The following PAX9 variants were observed in gnomAD, a reference collection of about 807,000 sequenced individuals.
PAX9 encodes the protein paired box protein Pax-9.
Under a neutral mutation model 29.1 loss-of-function variants are expected in PAX9, and 6 were observed. The observed-to-expected ratio is 0.21, with a 90% CI of 0.11 to 0.41. PAX9 has a LOEUF of 0.41. Among genes scored for constraint, PAX9 ranks in the 10% least tolerant of loss-of-function variants. The probability of loss-of-function intolerance (pLI) is 1.00; values close to 1 mark genes in which losing one functional copy is unlikely to be tolerated. For missense variants in PAX9, 443 were observed against 479.1 expected (o/e 0.92, Z 0.70); for synonymous variants, 217 against 211.7 (o/e 1.03, Z -0.22).
At chr14:36,663,787 G>A (rs1027888643) in intron 2 of PAX9, among the ~76,000 whole-genome samples, 1 of 152,096 alleles carries the variant, frequency 6.6e-6, no homozygotes, top group Non-Finnish European at 1.5e-5. Context: ...CACATGGTTC[G>A]CATTTTCCAC....
chr14:36,666,548 G>C lies in PAX9; in HGVS notation c.718G>C (p.Ala240Pro), dbSNP rs4904210. ...RNNFPAAAPH[A>P]VNGLEKGALE... is the part of the protein sequence containing the mutation. Reference sequence around the variant, plus strand: ...CAACTTCCCCGCCGCCGCCCCGCACGCGGTGAACGGGTTGGAGAAGGGAGC... The same window carrying C: ...CAACTTCCCCGCCGCCGCCCCGCACCCGGTGAACGGGTTGGAGAAGGGAGC... Residue 240 changes from alanine (A) to proline (P), a missense_variant, in exon 3 of 4, where the codon GCG (alanine) becomes CCG (proline). Physicochemically the swap from Ala to Pro is conservative, Grantham distance 27 (BLOSUM62 -1). Transcript: ENST00000361487. 0.37 allele frequency: 588,761 copies of C among 1,585,086 alleles called. 110,759 individuals are homozygous for C. The highest frequency in any genetic ancestry group is 0.45 in the East Asian group (19,699 of 43,314).
intron 3 of PAX9, among the ~76,000 whole-genome samples, chr14:36,672,988 C>T (rs1881752199): frequency 6.7e-6 from 1 of 150,244 alleles, no homozygotes; most frequent in Non-Finnish European, 1.5e-5. Context: ...GCCTCAGACT[C>T]CCAAGTAGCT....
In PAX9 at chr14:36,678,842, A is replaced by G; in HGVS notation, c.*2390A>G. 2.0e-6 allele frequency: 2 copies of G among 981,622 alleles called. No homozygotes were observed. Among genetic ancestry groups the G allele is most frequent in the South Asian group, 9.6e-5 (2 of 20,884 alleles). The allele number at this position is 981,622 out of a possible 1,614,324, so 60.8% of individuals were successfully genotyped here. A position where few individuals can be genotyped will look rare whatever the true frequency, so the allele number is the denominator to read the frequency against. On this transcript the variant is annotated 3_prime_UTR_variant, in exon 4 of 4. Coordinates refer to ENST00000361487, the MANE Select transcript of PAX9 (RefSeq NM_001372076.1). ...CTTAACAGTGAATTCACATGGAGTA[A>G]TTTTTAAAAGATATCAGATACAATT...
chr14:36,668,939 A>T (rs2139115620), intron 3 of PAX9, among the ~76,000 whole-genome samples: 1 of 152,270 alleles, frequency 6.6e-6, no homozygotes, highest in South Asian at 2.1e-4. Flanking sequence ...TATTGCTCTA[A>T]ATACTTAATA....
intron 3 of PAX9, among the ~76,000 whole-genome samples, chr14:36,668,613 TCC>T (rs781125743): frequency 4.6e-5 from 7 of 152,138 alleles, no homozygotes; most frequent in Non-Finnish European, 1.0e-4. Flanking sequence ...GGTCTTGATC[TCC>T]TGACCTCGTG....
At chr14:36,658,400 G>A (rs1881120433), upstream of PAX9, 2 of 151,388 alleles carry the variant, frequency 1.3e-5, no homozygotes, top group South Asian at 4.2e-4. Context: ...GTCCCCAGCA[G>A]GGGGCAAGTT....
At position 36,662,632 on chromosome 14, in the gene PAX9, G is replaced by C. The variant is rs76125641; in HGVS notation, c.5-265G>C. 5.5e-3 allele frequency: 2,989 copies of C among 540,048 alleles called. 64 individuals carry two copies. The highest frequency in any genetic ancestry group is 0.046 in the African/African-American group (2,450 of 53,008). 33.5% of individuals were successfully genotyped at this position (540,048 alleles called of 1,614,324 possible). On this transcript the variant is annotated intron_variant, in intron 1 of 3. Transcript: ENST00000361487. ...CCCCTGCTTCGGGAGACTTTTGAAC[G>C]CTCGGAGAGGCCCGGCATCTCACCA...
At position 36,670,493 on chromosome 14, in the gene PAX9, C is replaced by A. The variant is rs569979735; in HGVS notation, c.771+3892C>A. Among the ~76,000 whole-genome samples the A allele has an allele frequency of 5.7e-4, 87 of 152,114 alleles. 3 individuals are homozygous for A. The South Asian group carries it at 0.018, about 31-fold the overall frequency. On this transcript the variant is annotated intron_variant, in intron 3 of 3. Coordinates refer to ENST00000361487, the MANE Select transcript of PAX9 (RefSeq NM_001372076.1). ...TCTAGTGTATTATTTTAAAAACTGG[C>A]TGTCCTTGTGGATGTACTATTCTCA...
At chr14:36,666,191 A>C in intron 2 of PAX9, 1 of 493,992 alleles carries the variant, frequency 2.0e-6, no homozygotes, top group Non-Finnish European at 3.6e-6. Context: ...AAGGGAAATC[A>C]AAAACCGGTT....
At chr14:36,669,116 C>G (rs1881614877) in intron 3 of PAX9, among the ~76,000 whole-genome samples, 1 of 152,104 alleles carries the variant, frequency 6.6e-6, no homozygotes, top group African/African-American at 2.4e-5. Flanking sequence ...AAATTAGTGG[C>G]TACTCTATGA....
At chr14:36,663,817 C>G (rs755938871) in intron 2 of PAX9, among the ~76,000 whole-genome samples, 1 of 152,214 alleles carries the variant, frequency 6.6e-6, no homozygotes, top group Admixed American at 6.5e-5. Context: ...CCTCTCGCGC[C>G]GAGGCAGCCT....
intron 1 of PAX9, 188 bp from the exon 2 acceptor site, chr14:36,662,709 C>A (rs1881324630): frequency 1.5e-6 from 1 of 672,992 alleles, no homozygotes; most frequent in Non-Finnish European, 2.5e-6. Flanking sequence ...GGAGGGGGTC[C>A]GATTGGACAG....
intron 3 of PAX9, 129 bp from the exon 4 acceptor site, chr14:36,676,069 A>T (rs1221268187): frequency 4.6e-6 from 4 of 877,544 alleles, no homozygotes; most frequent in Non-Finnish European, 7.0e-6. Flanking sequence ...AAATTTTTTT[A>T]AAAAGTTGGA....
chr14:36,673,529 C>CAAAA, intron 3 of PAX9, among the ~76,000 whole-genome samples: 1 of 4,868 alleles, frequency 2.1e-4, no homozygotes, highest in East Asian at 1.2e-3. Flanking sequence ...GGGCCATCTT[C>CAAAA]CAAGTGGGTC....
At position 36,678,674 on chromosome 14, in the gene PAX9, G is replaced by A; in HGVS notation, c.*2222G>A. On this transcript the variant is annotated 3_prime_UTR_variant, in exon 4 of 4. Coordinates refer to ENST00000361487, the MANE Select transcript of PAX9 (RefSeq NM_001372076.1). ...GGGCTTTAAAAAATATTACTTGCTTGTGTGGAAATGCAAATAATGTTATTT... is the reference window on the plus strand; with the variant it reads ...GGGCTTTAAAAAATATTACTTGCTTATGTGGAAATGCAAATAATGTTATTT... 1 of 1,255,798 alleles carries A rather than the reference G, an allele frequency of 8.0e-7. No homozygotes were observed. Among genetic ancestry groups the A allele is most frequent in the Non-Finnish European group, 1.0e-6 (1 of 1,000,044 alleles). 77.8% of individuals were successfully genotyped at this position (1,255,798 alleles called of 1,614,324 possible).
At chr14:36,661,731 C>T, upstream of PAX9, 1 of 387,682 alleles carries the variant, frequency 2.6e-6, no homozygotes, top group Non-Finnish European at 4.6e-6. Context: ...AAAGAGACAG[C>T]GGAAGGAGTT....
chr14:36,663,736 C>T (rs560681290), intron 2 of PAX9, among the ~76,000 whole-genome samples: 2 of 152,354 alleles, frequency 1.3e-5, no homozygotes, highest in East Asian at 3.9e-4. Flanking sequence ...TCTTCTGCCT[C>T]ATCTCAAACT....
Position 36,676,541 on chromosome 14 carries a change from C to T in PAX9, c.*89C>T. On this transcript the variant is annotated 3_prime_UTR_variant, in exon 4 of 4. Transcript: ENST00000361487. ...TCCCAGGTCTCACATCCCACCCCTC[C>T]TGCCCTCCAACCCTTCTGCCTTGAA... is the stretch of plus-strand genomic sequence containing the variant. 1.4e-6 allele frequency: 2 copies of T among 1,468,374 alleles called. No homozygotes were observed. Among genetic ancestry groups the T allele is most frequent in the South Asian group, 1.2e-5 (1 of 85,422 alleles). The allele number at this position is 1,468,374 out of a possible 1,614,324, so 91.0% of individuals were successfully genotyped here.
intron 3 of PAX9, chr14:36,670,975 C>A (rs80073077): frequency 0.037 from 14,854 of 397,626 alleles, 377 homozygotes; most frequent in Non-Finnish European, 0.05. Context: ...TAGGTCATTG[C>A]ATAATGCATT....
Sources: gnomAD v4.1 joint callset for allele counts (sites outside exome capture counted in the v4.1 genomes callset) on GRCh38, gnomAD v4.1.1 for gene constraint, MANE v1.5 for transcripts, NCBI Gene and HGNC (gene_info 2026-07-23, HGNC 2026-07-21) for gene names.